Variants in ABHD17A observed in about 807,000 individuals in gnomAD.
ABHD17A encodes the protein abhydrolase domain containing 17A, depalmitoylase, also known as alpha/beta hydrolase domain-containing protein 17A.
Under a neutral mutation model 26.8 loss-of-function variants are expected in ABHD17A, and 10 were observed. The ratio of observed to expected loss-of-function variants is 0.37; its 90% CI spans 0.23 to 0.63. The LOEUF is 0.63. Ranked by LOEUF, ABHD17A falls within the 30% of genes least tolerant of loss-of-function variation. The probability of loss-of-function intolerance (pLI) is 0.61; values close to 1 mark genes in which losing one functional copy is unlikely to be tolerated. For synonymous variants in ABHD17A, 167 were observed against 210.9 expected (o/e 0.79, Z 1.80); for missense variants, 292 against 457.3 (o/e 0.64, Z 3.30).
At chr19:1,877,750 G>C (rs1230482475) in intron 3 of ABHD17A, 63 bp from the exon 4 acceptor site, 1 of 1,521,770 alleles carries the variant, frequency 6.6e-7, no homozygotes. Context: ...CCCACCAGCG[G>C]GCGTCCCCGG....
At chr19:1,881,874 G>A (rs923316504) in intron 1 of ABHD17A, 70 bp from the exon 2 acceptor site, 30 of 312,930 alleles carry the variant, frequency 9.6e-5, no homozygotes, top group Non-Finnish European at 1.6e-4. Context: ...CCCGGGAGGC[G>A]GGGCATCCAC....
Position 1,880,870 on chromosome 19 carries a change from G to A in ABHD17A, c.332+365C>T, listed in dbSNP as rs1217635541. Reference sequence around the variant, plus strand: ...GCCAGAAGGTAAAGGCTCGCCCTCTGGACTCAGATCTGGTCAGAACCCCAC... The same window carrying A: ...GCCAGAAGGTAAAGGCTCGCCCTCTAGACTCAGATCTGGTCAGAACCCCAC... On this transcript the variant is annotated intron_variant, in intron 2 of 4. Transcript: ENST00000292577. This position sits in a 1 kb window ranked among gnomAD's most constrained non-coding sequence, Gnocchi z 4.1. 1 of 1,612,516 alleles carries A rather than the reference G, an allele frequency of 6.2e-7. No homozygotes were observed. Among genetic ancestry groups the A allele is most frequent in the Non-Finnish European group, 8.5e-7 (1 of 1,179,610 alleles).
Position 1,880,795 on chromosome 19 carries a change from C to T in ABHD17A, c.332+440G>A. 6.6e-7 allele frequency: 1 copy of T among 1,520,972 alleles called. No individual in the cohort carries two copies. The highest frequency in any genetic ancestry group is 1.3e-5 in the South Asian group (1 of 79,316). The allele number at this position is 1,520,972 out of a possible 1,614,324, so 94.2% of individuals were successfully genotyped here. A position where few individuals can be genotyped will look rare whatever the true frequency, so the allele number is the denominator to read the frequency against. On this transcript the variant is annotated intron_variant, in intron 2 of 4. Coordinates refer to ENST00000292577, the MANE Select transcript of ABHD17A (RefSeq NM_001130111.2). This position sits in a 1 kb window ranked among gnomAD's most constrained non-coding sequence, Gnocchi z 4.1. ...TGCCAGGAGCAGGTGGCCAGGCTGG[C>T]CCTGCCATGGACTGCTTCCTCCAGT...
intron 1 of ABHD17A, among the ~76,000 whole-genome samples, chr19:1,884,071 T>C (rs1308292563): frequency 6.6e-6 from 1 of 152,276 alleles, no homozygotes; most frequent in East Asian, 1.9e-4. Context: ...TGCACCTCAC[T>C]GCCAACGCTC....
Position 1,879,067 on chromosome 19 carries a change from C to A in ABHD17A, c.527+854G>T, listed in dbSNP as rs1480755361. ...GTCAGCGTCCCACACTGCTGGGAGG[C>A]CCCCAGAGCCAGGGTGGTGCCAGGG... On this transcript the variant is annotated intron_variant, in intron 3 of 4. Coordinates refer to ENST00000292577, the MANE Select transcript of ABHD17A (RefSeq NM_001130111.2). The surrounding 1 kb of genome is among the most constrained non-coding windows in gnomAD (Gnocchi z 7.6). The A allele has an allele frequency of 1.3e-5, 2 of 152,334 alleles. No homozygotes were observed. The highest frequency in any genetic ancestry group is 2.9e-5 in the Non-Finnish European group (2 of 68,124). 9.4% of individuals were successfully genotyped at this position (152,334 alleles called of 1,614,324 possible). A position where few individuals can be genotyped will look rare whatever the true frequency, so the allele number is the denominator to read the frequency against.
In ABHD17A at chr19:1,879,950, G is replaced by A. The variant is rs765675667; in HGVS notation, c.498C>T (p.Ile166=). ...RPSERNLYAD[I]DAAWQALRTR... ...TGCGCAGGGCCTGCCAGGCGGCGTC[G>A]ATGTCGGCATAGAGGTTCCTCTCGG... Residue 166 remains isoleucine, a synonymous_variant, in exon 3 of 5, where the codon ATC becomes ATT. Coordinates refer to ENST00000292577, the MANE Select transcript of ABHD17A (RefSeq NM_001130111.2). The surrounding 1 kb of genome is among the most constrained non-coding windows in gnomAD (Gnocchi z 7.6). 9.3e-6 allele frequency: 15 copies of A among 1,612,454 alleles called. No individual in the cohort carries two copies. Among genetic ancestry groups the A allele is most frequent in the African/African-American group, 8.0e-5 (6 of 74,946 alleles).
Position 1,881,735 on chromosome 19 carries a change from C to G in ABHD17A, c.-169G>C. ...CCCGTTAGGAGGCCAGGGCCCAGCC[C>G]CATCGCGGTCCAAGCCGAGCCCCAG... On this transcript the variant is annotated 5_prime_UTR_variant, in exon 2 of 5. Coordinates refer to ENST00000292577, the MANE Select transcript of ABHD17A (RefSeq NM_001130111.2). 1 of 948,618 alleles carries G rather than the reference C, an allele frequency of 1.1e-6. No individual in the cohort carries two copies. Among genetic ancestry groups the G allele is most frequent in the Non-Finnish European group, 1.5e-6 (1 of 689,362 alleles). The allele number at this position is 948,618 out of a possible 1,614,324, so 58.8% of individuals were successfully genotyped here.
chr19:1,883,221 T>G (rs1169249387), intron 1 of ABHD17A: 3 of 152,252 alleles, frequency 2.0e-5, no homozygotes, highest in Admixed American at 2.0e-4. Context: ...AGGCTGGTTC[T>G]GCTTCTCAGA....
In ABHD17A at chr19:1,877,439, G is replaced by C. The variant is rs1486299341; in HGVS notation, c.708-14C>G. ...ACCTTCTCGATGCTGCGGGAGGGTC[G>C]TGGAGCCGGTGAGACTTCGCGCCCG... On this transcript the variant is annotated splice_polypyrimidine_tract_variant and intron_variant, in intron 4 of 4. Transcript: ENST00000292577. 2 of 1,563,782 alleles carry C rather than the reference G, an allele frequency of 1.3e-6. No individual in the cohort carries two copies. Among genetic ancestry groups the C allele is most frequent in the Non-Finnish European group, 1.7e-6 (2 of 1,161,730 alleles).
rs1041390551 is a variant in ABHD17A at position 1,876,954 on chromosome 19, A to G, written c.*246T>C. ...AGCGCTCGAGAGAGTGAGCAGAGCCATGAAAGGAAGGAGAGCAGCCCTAAA... is the reference window on the plus strand; with the variant it reads ...AGCGCTCGAGAGAGTGAGCAGAGCCGTGAAAGGAAGGAGAGCAGCCCTAAA... On this transcript the variant is annotated 3_prime_UTR_variant, in exon 5 of 5. Transcript: ENST00000292577. 9.4e-6 allele frequency: 5 copies of G among 531,688 alleles called. No homozygotes were observed. The highest frequency in any genetic ancestry group is 3.9e-5 in the African/African-American group (2 of 51,432). The allele number at this position is 531,688 out of a possible 1,614,324, so 32.9% of individuals were successfully genotyped here.
At chr19:1,884,208 G>A (rs1429478979) in intron 1 of ABHD17A, among the ~76,000 whole-genome samples, 1 of 152,128 alleles carries the variant, frequency 6.6e-6, no homozygotes, top group Admixed American at 6.6e-5. Context: ...ACCATGACCT[G>A]CCACTCACTA....
rs2012376086 is a variant in ABHD17A, at chr19:1,877,063, T to G, written c.*137A>C. ...AGTGCGTAGCTCTGTTGCCTGTACATCGTCCACAGCCCCTGGGTCGGGGCG... is the reference window on the plus strand; with the variant it reads ...AGTGCGTAGCTCTGTTGCCTGTACAGCGTCCACAGCCCCTGGGTCGGGGCG... On this transcript the variant is annotated 3_prime_UTR_variant, in exon 5 of 5. Transcript: ENST00000292577. 1.6e-6 allele frequency: 1 copy of G among 620,598 alleles called. No individual in the cohort carries two copies. Among genetic ancestry groups the G allele is most frequent in the East Asian group, 2.7e-5 (1 of 36,420 alleles). 38.4% of individuals were successfully genotyped at this position (620,598 alleles called of 1,614,324 possible).
chr19:1,880,877 G>T lies in ABHD17A; in HGVS notation c.332+358C>A. The T allele has an allele frequency of 1.2e-6, 2 of 1,612,890 alleles. No individual in the cohort carries two copies. The highest frequency in any genetic ancestry group is 8.5e-7 in the Non-Finnish European group (1 of 1,179,826). ...GGTAAAGGCTCGCCCTCTGGACTCA[G>T]ATCTGGTCAGAACCCCACCTGGCGA... On this transcript the variant is annotated intron_variant, in intron 2 of 4. Transcript: ENST00000292577. The surrounding 1 kb of genome is among the most constrained non-coding windows in gnomAD (Gnocchi z 4.1).
rs1176565365 is a variant in ABHD17A, at chr19:1,880,865, C to T, written c.332+370G>A. The stretch of plus-strand genomic sequence containing the variant: ...GCCCAGCCAGAAGGTAAAGGCTCGC[C>T]CTCTGGACTCAGATCTGGTCAGAAC... On this transcript the variant is annotated intron_variant, in intron 2 of 4. Transcript: ENST00000292577. This position sits in a 1 kb window ranked among gnomAD's most constrained non-coding sequence, Gnocchi z 4.1. The T allele has an allele frequency of 2.5e-6, 4 of 1,612,262 alleles. No individual in the cohort carries two copies. The highest frequency in any genetic ancestry group is 1.3e-5 in the African/African-American group (1 of 74,912).
In ABHD17A at chr19:1,877,382, GGAT is replaced by G; in HGVS notation, c.748_750del (p.Ile250del). ...TCGATCACCTCGTCCTCCGTGCCGT[GGAT>G]GATGAGCACGGGAGACGTGATCTTG... is the stretch of plus-strand genomic sequence containing the variant. On this transcript the variant is annotated inframe_deletion, in exon 5 of 5. Transcript: ENST00000292577. 6.4e-7 allele frequency: 1 copy of G among 1,561,248 alleles called. No individual in the cohort carries two copies. Among genetic ancestry groups the G allele is most frequent in the Non-Finnish European group, 8.6e-7 (1 of 1,160,490 alleles).
chr19:1,877,779 C>T (rs887766659), intron 3 of ABHD17A, 92 bp from the exon 4 acceptor site: 28 of 1,272,768 alleles, frequency 2.2e-5, no homozygotes, highest in Non-Finnish European at 2.9e-5. Flanking sequence ...CCGGATGCGA[C>T]CCTCCAGTCT....
intron 1 of ABHD17A, among the ~76,000 whole-genome samples, chr19:1,884,619 A>G (rs1432229453): frequency 6.6e-6 from 1 of 152,100 alleles, no homozygotes; most frequent in Non-Finnish European, 1.5e-5. Flanking sequence ...AGGCGCGGCC[A>G]TATCAGAGGG....
Position 1,880,408 on chromosome 19 carries a change from C to T in ABHD17A, c.333-293G>A, listed in dbSNP as rs902717159. Reference sequence around the variant, plus strand: ...GGATTCCCATCTGTGAAGCGGGACACTGGGACCATCGGTCGCATCCTCTCT... The same window carrying T: ...GGATTCCCATCTGTGAAGCGGGACATTGGGACCATCGGTCGCATCCTCTCT... On this transcript the variant is annotated intron_variant, in intron 2 of 4. Coordinates refer to ENST00000292577, the MANE Select transcript of ABHD17A (RefSeq NM_001130111.2). The surrounding 1 kb of genome is among the most constrained non-coding windows in gnomAD (Gnocchi z 4.1). Among the ~76,000 whole-genome samples the T allele has an allele frequency of 7.9e-5, 12 of 152,188 alleles. No individual in the cohort carries two copies. The highest frequency in any genetic ancestry group is 2.9e-4 in the African/African-American group (12 of 41,446).
Position 1,880,661 on chromosome 19 carries a change from A to C in ABHD17A, c.333-546T>G, listed in dbSNP as rs1356456822. On this transcript the variant is annotated intron_variant, in intron 2 of 4. Coordinates refer to ENST00000292577, the MANE Select transcript of ABHD17A (RefSeq NM_001130111.2). The surrounding 1 kb of genome is among the most constrained non-coding windows in gnomAD (Gnocchi z 4.1). ...CTGCCCCCAACAAGCAAATGCGGCC[A>C]ATCTCTGCTCACACTCATGCAGCCC... 6.6e-6 allele frequency among the ~76,000 whole-genome samples: 1 copy of C among 152,028 alleles called. No homozygotes were observed. The highest frequency in any genetic ancestry group is 1.9e-4 in the East Asian group (1 of 5,180).
Sources: gnomAD v4.1 joint callset for allele counts (sites outside exome capture counted in the v4.1 genomes callset) on GRCh38, gnomAD v4.1.1 for gene constraint, Gnocchi (gnomAD v3.1) non-coding constraint, MANE v1.5 for transcripts, NCBI Gene and HGNC (gene_info 2026-07-23, HGNC 2026-07-21) for gene names.